Variants in CNGA1 observed in about 807,000 individuals in gnomAD.
CNGA1 encodes the protein cyclic nucleotide-gated channel alpha-1.
CNGA1 carries 53 observed loss-of-function variants against 69.7 expected under a neutral mutation model. The observed-to-expected ratio is 0.76, with a 90% CI of 0.61 to 0.96. The LOEUF is 0.96. CNGA1 is among the 40% of genes least tolerant of loss of function. The pLI is 0.00. For missense variants in CNGA1, 739 were observed against 811.2 expected (o/e 0.91, Z 1.08); for synonymous variants, 249 against 283.5 (o/e 0.88, Z 1.22).
At chr4:47,973,318 C>T (rs1017114415) in intron 3 of CNGA1, among the ~76,000 whole-genome samples, 2 of 151,956 alleles carry the variant, frequency 1.3e-5, no homozygotes, top group South Asian at 2.1e-4. Context: ...TCAGGTGATC[C>T]GCCCGCCTCA....
intron 3 of CNGA1, among the ~76,000 whole-genome samples, chr4:47,968,352 A>G (rs111550191): frequency 2.8e-4 from 43 of 152,238 alleles, no homozygotes; most frequent in African/African-American, 7.9e-4. Flanking sequence ...TCAGCTGTAT[A>G]ATGAAAAGAG....
intron 2 of CNGA1, among the ~76,000 whole-genome samples, chr4:47,984,436 GGT>G (rs973219650): frequency 1.3e-5 from 2 of 151,850 alleles, no homozygotes; most frequent in Admixed American, 1.3e-4. Context: ...TGGCCAACAT[GGT>G]GAAACCCCGT....
intron 5 of CNGA1, among the ~76,000 whole-genome samples, chr4:47,950,514 T>C (rs1044665196): frequency 8.5e-5 from 13 of 152,168 alleles, no homozygotes; most frequent in African/African-American, 3.1e-4. Flanking sequence ...TCAATGTTCA[T>C]ACCAAGAATT....
intron 2 of CNGA1, among the ~76,000 whole-genome samples, chr4:47,990,795 A>C (rs559372643): frequency 1.4e-4 from 22 of 152,306 alleles, no homozygotes; most frequent in Middle Eastern, 3.4e-3. Flanking sequence ...GGAAAATAGA[A>C]AGAACCTACG....
chr4:47,943,045 A>G, intron 8 of CNGA1, 136 bp downstream of exon 8: 1 of 647,204 alleles, frequency 1.5e-6, no homozygotes, highest in Admixed American at 2.6e-5. Flanking sequence ...TTATTTTTCA[A>G]TATTTAAAGA....
chr4:47,983,001 G>A (rs190737273), intron 2 of CNGA1, among the ~76,000 whole-genome samples: 105 of 152,032 alleles, frequency 6.9e-4, no homozygotes, highest in South Asian at 2.1e-3. Context: ...ATGGGGTTTC[G>A]CCATGTTGGC....
intron 10 of CNGA1, among the ~76,000 whole-genome samples, chr4:47,938,954 G>A (rs1228998092): frequency 1.4e-5 from 2 of 146,724 alleles, no homozygotes; most frequent in African/African-American, 2.6e-5. Flanking sequence ...GATGGAGGGA[G>A]GGAGGGAAAG....
chr4:48,013,515 C>T (rs1257642691), intron 1 of CNGA1, among the ~76,000 whole-genome samples: 1 of 152,154 alleles, frequency 6.6e-6, no homozygotes, highest in South Asian at 2.1e-4. Context: ...GAACCAGGGA[C>T]GGGGCTTTCC....
chr4:47,939,954 C>T (rs1169932782), intron 10 of CNGA1, among the ~76,000 whole-genome samples: 1 of 152,158 alleles, frequency 6.6e-6, no homozygotes, highest in Non-Finnish European at 1.5e-5. Flanking sequence ...CTTACCCCTT[C>T]GATGTGAAGC....
chr4:47,936,369 A>G lies in CNGA1; in HGVS notation c.*52T>C. The G allele has an allele frequency of 6.3e-7, 1 of 1,581,140 alleles. No individual in the cohort carries two copies. Among genetic ancestry groups the G allele is most frequent in the Non-Finnish European group, 8.7e-7 (1 of 1,150,184 alleles). ...TTAAATTTTAGTTGATGTCAGTCAT[A>G]GGATCAAAAGGATCATGAGGCATGT... On this transcript the variant is annotated 3_prime_UTR_variant, in exon 11 of 11. Coordinates refer to ENST00000514170, the MANE Select transcript of CNGA1 (RefSeq NM_001379270.1).
At chr4:47,970,413 G>A (rs1320510348) in intron 3 of CNGA1, among the ~76,000 whole-genome samples, 2 of 152,162 alleles carry the variant, frequency 1.3e-5, no homozygotes, top group African/African-American at 4.8e-5. Flanking sequence ...CACTTTGGGA[G>A]ACTGAGGCAG....
chr4:47,988,430 T>C (rs975012425), intron 2 of CNGA1, among the ~76,000 whole-genome samples: 12 of 152,146 alleles, frequency 7.9e-5, no homozygotes, highest in Non-Finnish European at 1.5e-4. Context: ...GTATTTTTTT[T>C]ACTTAGGATT....
chr4:47,939,601 G>A (rs1738941439), intron 10 of CNGA1, among the ~76,000 whole-genome samples: 1 of 152,272 alleles, frequency 6.6e-6, no homozygotes, highest in South Asian at 2.1e-4. Flanking sequence ...CATCTGAAGT[G>A]GGGGATCATC....
intron 3 of CNGA1, among the ~76,000 whole-genome samples, chr4:47,976,269 A>G (rs1179026572): frequency 1.8e-4 from 5 of 28,322 alleles, no homozygotes; most frequent in African/African-American, 3.2e-4. Flanking sequence ...ACATATATAT[A>G]TACATATATA....
intron 3 of CNGA1, among the ~76,000 whole-genome samples, chr4:47,953,114 T>C (rs185175180): frequency 2.0e-5 from 3 of 152,304 alleles, no homozygotes; most frequent in African/African-American, 7.2e-5. Context: ...TAAGATGAAG[T>C]TTGGGTGGGT....
At chr4:47,947,425 AGCACTTTAGGACGCTGAGGTGG>A (rs1739463890) in intron 6 of CNGA1, among the ~76,000 whole-genome samples, 1 of 152,216 alleles carries the variant, frequency 6.6e-6, no homozygotes, top group African/African-American at 2.4e-5. Flanking sequence ...CTGTAATCCC[AGCACTTTAGGACGCTGAGGTGG>A]GAGGATCACG....
intron 2 of CNGA1, among the ~76,000 whole-genome samples, chr4:48,006,355 C>A (rs1469938184): frequency 6.6e-6 from 1 of 152,060 alleles, no homozygotes; most frequent in East Asian, 1.9e-4. Context: ...AAATTTGTTA[C>A]CTCTGTTGCA....
chr4:47,940,644 T>C, intron 10 of CNGA1, 119 bp downstream of exon 10: 1 of 741,750 alleles, frequency 1.3e-6, no homozygotes, highest in Admixed American at 2.4e-5. Flanking sequence ...TGTGCCTTTT[T>C]CTCTAGAACA....
At chr4:47,977,827 G>GT (rs1741492370) in intron 3 of CNGA1, among the ~76,000 whole-genome samples, 1 of 69,644 alleles carries the variant, frequency 1.4e-5, no homozygotes, top group Admixed American at 1.5e-4. Context: ...GCATTTAAGT[G>GT]ATTTTTTTTT....
Sources: allele counts gnomAD v4.1 joint callset (sites outside exome capture counted in the v4.1 genomes callset), GRCh38; gene constraint gnomAD v4.1.1; transcripts MANE v1.5; gene names NCBI Gene and HGNC (gene_info 2026-07-23, HGNC 2026-07-21).